The following ZFX variants were observed in gnomAD, a reference collection of about 807,000 sequenced individuals.
ZFX encodes zinc finger protein X-linked.
For synonymous variants in ZFX, 196 were observed against 226.8 expected (o/e 0.86, Z 1.22); for missense variants, 362 against 628.3 (o/e 0.58, Z 4.53).
chrX:24,163,301 G>A (rs1441150413), intron 3 of ZFX, among the ~76,000 whole-genome samples: 1 of 88,889 alleles, frequency 1.1e-5, no homozygotes, highest in East Asian at 3.4e-4. Context: ...TCATATTTGC[G>A]GATACTTGAC....
intron 5 of ZFX, among the ~76,000 whole-genome samples, chrX:24,193,133 T>A (rs115740367): frequency 0.02 from 2,215 of 111,600 alleles, 52 homozygotes; most frequent in African/African-American, 0.069. Context: ...CACAAAAACT[T>A]CTGCACATTC....
intron 4 of ZFX, chrX:24,173,582 G>T (rs1452282464): frequency 8.7e-7 from 1 of 1,144,012 alleles, no homozygotes; most frequent in East Asian, 3.3e-5. Context: ...GGTTACACTT[G>T]CGTTTTGGGT....
rs188689161 is a variant in ZFX, at chrX:24,163,766, C to T, written c.-28-8949C>T. Among the ~76,000 whole-genome samples the T allele has an allele frequency of 4.9e-4, 51 of 103,867 alleles. 1 individual carries two copies. In the East Asian group the frequency reaches 0.014, roughly 29 times the overall value. The allele number at this position is 103,867 out of a possible 115,157, so 90.2% of individuals were successfully genotyped here. On this transcript the variant is annotated intron_variant, in intron 3 of 9. Transcript: ENST00000304543. ...TTGAACTCCTTGCTGCAAGTGATCTCCTGCCTTGGCTTCCCAAAGCGCTGG... is the reference window on the plus strand; with the variant it reads ...TTGAACTCCTTGCTGCAAGTGATCTTCTGCCTTGGCTTCCCAAAGCGCTGG...
chrX:24,155,880 G>T (rs1303776264), intron 3 of ZFX, among the ~76,000 whole-genome samples: 4 of 111,856 alleles, frequency 3.6e-5, no homozygotes. Context: ...CTCCTTATTG[G>T]TATATGGGTT....
At position 24,211,696 on chromosome X, in the gene ZFX, G is replaced by C; in HGVS notation, c.*320G>C. On this transcript the variant is annotated 3_prime_UTR_variant, in exon 10 of 10. Coordinates refer to ENST00000304543, the MANE Select transcript of ZFX (RefSeq NM_003410.4). ...AATATTTACCTTGCTTACCTTGATG[G>C]TACTCTTCTAAGACCATTAACTTAA... The C allele has an allele frequency of 4.8e-6, 1 of 206,771 alleles. No individual in the cohort carries two copies. The highest frequency in any genetic ancestry group is 8.7e-6 in the Non-Finnish European group (1 of 115,026). The allele number at this position is 206,771 out of a possible 1,213,427, so 17.0% of individuals were successfully genotyped here.
chrX:24,168,988 C>T (rs1934296828), intron 3 of ZFX, among the ~76,000 whole-genome samples: 1 of 110,982 alleles, frequency 9.0e-6, no homozygotes, highest in African/African-American at 3.3e-5. Flanking sequence ...TTATCACGTA[C>T]CTTCTTCCAC....
chrX:24,152,502 C>T (rs1391888893), intron 2 of ZFX, among the ~76,000 whole-genome samples: 1 of 110,969 alleles, frequency 9.0e-6, no homozygotes, highest in Non-Finnish European at 1.9e-5. Context: ...TTCCATTTTT[C>T]TAGACTGTAA....
intron 5 of ZFX, among the ~76,000 whole-genome samples, chrX:24,183,615 T>A (rs1935857940): frequency 8.9e-6 from 1 of 112,175 alleles, no homozygotes; most frequent in Non-Finnish European, 1.9e-5. Context: ...CACCTGACAC[T>A]TGCTTTCTGA....
rs201962627 is a variant in ZFX, at chrX:24,179,307, A to G, written c.183A>G (p.Ser61=). The part of the protein sequence containing the change: ...VHNFVPDDPD[S]VVIQDVIEDV... ...ACTTTGTTCCTGATGACCCAGATTC[A>G]GTTGTAATCCAAGATGTTATTGAGG... The change falls in exon 5 of 10, where the codon TCA becomes TCG. Residue 61 remains serine, a synonymous_variant. Transcript: ENST00000304543. The G allele has an allele frequency of 2.5e-6, 3 of 1,210,544 alleles. No homozygotes were observed. In the East Asian group the frequency reaches 8.9e-5, roughly 36 times the overall value.
At chrX:24,172,334 G>A (rs1012970735) in intron 3 of ZFX, among the ~76,000 whole-genome samples, 2 of 112,200 alleles carry the variant, frequency 1.8e-5, no homozygotes, top group Admixed American at 1.9e-4. Flanking sequence ...AACATGGGGT[G>A]TTACAGACTG....
rs1482182805 is a variant in ZFX, at chrX:24,172,969, G to T, written c.58+169G>T. The T allele has an allele frequency of 1.5e-5, 6 of 387,207 alleles. No individual in the cohort carries two copies. The East Asian group carries it at 2.7e-4, about 17-fold the overall frequency. 31.9% of individuals were successfully genotyped at this position (387,207 alleles called of 1,213,427 possible). A position where few individuals can be genotyped will look rare whatever the true frequency, so the allele number is the denominator to read the frequency against. ...TATTATTACCCTCCTCAAAGATGTG[G>T]CTCCCTCACAACCAACTCTCATATT... On this transcript the variant is annotated intron_variant, in intron 4 of 9. Transcript: ENST00000304543.
At chrX:24,173,518 A>G (rs1934829298) in intron 4 of ZFX, 7 of 1,070,284 alleles carry the variant, frequency 6.5e-6, no homozygotes, top group Non-Finnish European at 8.5e-6. Context: ...AAACAGTATT[A>G]GAAAACATGT....
At chrX:24,150,970 G>T (rs1473612353) in intron 1 of ZFX, among the ~76,000 whole-genome samples, 1 of 112,210 alleles carries the variant, frequency 8.9e-6, no homozygotes, top group African/African-American at 3.2e-5. Flanking sequence ...TCTGTTGGTG[G>T]TATTTTTTTA....
chrX:24,206,490 C>T (rs756351784), intron 5 of ZFX, among the ~76,000 whole-genome samples: 1 of 102,644 alleles, frequency 9.7e-6, no homozygotes, highest in South Asian at 4.6e-4. Context: ...GCGCATGCCA[C>T]CATGCCTGGC....
intron 5 of ZFX, among the ~76,000 whole-genome samples, chrX:24,195,634 C>T (rs1325020884): frequency 8.9e-6 from 1 of 112,002 alleles, no homozygotes; most frequent in Non-Finnish European, 1.9e-5. Context: ...GGATTATAGG[C>T]GTGAGCCACC....
At chrX:24,200,978 A>T (rs1937256691) in intron 5 of ZFX, among the ~76,000 whole-genome samples, 1 of 112,582 alleles carries the variant, frequency 8.9e-6, no homozygotes, top group East Asian at 2.8e-4. Flanking sequence ...GAGAAGCCTT[A>T]TTCTAAAGCT....
At chrX:24,197,138 G>T (rs1052210981) in intron 5 of ZFX, among the ~76,000 whole-genome samples, 2 of 111,844 alleles carry the variant, frequency 1.8e-5, no homozygotes, top group African/African-American at 6.5e-5. Flanking sequence ...CTGATCTGCA[G>T]GCTCAGTGAA....
At chrX:24,173,560 A>G in intron 4 of ZFX, 1 of 1,134,570 alleles carries the variant, frequency 8.8e-7, no homozygotes. Context: ...TAATTATATA[A>G]CGTTGTAAAG....
chrX:24,180,383 C>CTT (rs34794604), intron 5 of ZFX, among the ~76,000 whole-genome samples: 1,020 of 98,816 alleles, frequency 0.01, 10 homozygotes, highest in African/African-American at 0.035. Context: ...AAGCTACTTA[C>CTT]TTTTTTTTTT....
Sources: allele counts gnomAD v4.1 joint callset (sites outside exome capture counted in the v4.1 genomes callset), GRCh38; gene constraint gnomAD v4.1.1; transcripts MANE v1.5; gene names NCBI Gene and HGNC (gene_info 2026-07-23, HGNC 2026-07-21).